Variants in ACYP2 observed in about 807,000 individuals in gnomAD.
The protein encoded by ACYP2 is acylphosphatase-2.
ACYP2 carries 12 observed loss-of-function variants against 11.2 expected under a neutral mutation model. The ratio of observed to expected loss-of-function variants is 1.08; its 90% CI spans 0.69 to 1.74. ACYP2 has a LOEUF of 1.74. Among genes scored for constraint, ACYP2 ranks in the 40% most tolerant of loss-of-function variants. ACYP2 has a pLI of 0.00. For synonymous variants in ACYP2, 43 were observed against 32.2 expected (o/e 1.33, Z -1.13); for missense variants, 134 against 101.9 (o/e 1.31, Z -1.35).
intron 6 of ACYP2, chr2:54,256,028 C>T (rs912861877): frequency 6.2e-7 from 1 of 1,614,024 alleles, no homozygotes; most frequent in African/African-American, 1.3e-5. Context: ...TCCAAGCGGC[C>T]ATCAAACATA....
At position 54,160,289 on chromosome 2, in the gene ACYP2, TG is replaced by T. The variant is rs1682653785; in HGVS notation, c.404+21544del. 1.3e-5 allele frequency among the ~76,000 whole-genome samples: 2 copies of T among 152,202 alleles called. 1 individual carries two copies. Among genetic ancestry groups the T allele is most frequent in the South Asian group, 4.1e-4 (2 of 4,830 alleles). On this transcript the variant is annotated intron_variant, in intron 6 of 6. Transcript: ENST00000607452. Reference sequence around the variant, plus strand: ...TCAAGGCTGGGGGAAGGGATGGCTCTGGGTCTTTTCCTTTTTATCTGGAAAG... The same window carrying T: ...TCAAGGCTGGGGGAAGGGATGGCTCTGGTCTTTTCCTTTTTATCTGGAAAG...
At chr2:54,160,092 A>C (rs1373660346) in intron 6 of ACYP2, among the ~76,000 whole-genome samples, 1 of 152,194 alleles carries the variant, frequency 6.6e-6, no homozygotes, top group Non-Finnish European at 1.5e-5. Context: ...AAAACTGATA[A>C]ACAAGTGGCT....
intron 6 of ACYP2, among the ~76,000 whole-genome samples, chr2:54,273,619 T>C (rs843742): frequency 0.74 from 112,722 of 151,974 alleles, 42,283 homozygotes; most frequent in Admixed American, 0.84. Context: ...TGCCCACCAC[T>C]ACGCCCATCT....
At chr2:54,289,500 A>G (rs1689213817) in intron 6 of ACYP2, among the ~76,000 whole-genome samples, 1 of 152,020 alleles carries the variant, frequency 6.6e-6, no homozygotes, top group East Asian at 1.9e-4. Flanking sequence ...AGGAAGATAC[A>G]TATTTCTTCC....
intron 4 of ACYP2, among the ~76,000 whole-genome samples, chr2:54,095,491 G>A (rs1390467425): frequency 1.3e-5 from 2 of 150,798 alleles, no homozygotes; most frequent in Non-Finnish European, 3.0e-5. Flanking sequence ...CCTCCCGGAC[G>A]GGGCGGCTGG....
chr2:54,021,957 G>A (rs988003887), intron 2 of ACYP2, among the ~76,000 whole-genome samples: 9 of 152,024 alleles, frequency 5.9e-5, no homozygotes, highest in Non-Finnish European at 1.3e-4. Context: ...CCAACCTTGA[G>A]CCAGTGAGCC....
chr2:54,295,634 A>C (rs1689492525), intron 6 of ACYP2, among the ~76,000 whole-genome samples: 1 of 152,064 alleles, frequency 6.6e-6, no homozygotes, highest in South Asian at 2.1e-4. Context: ...GTATTTCTTT[A>C]AGTTTTATTT....
intron 2 of ACYP2, among the ~76,000 whole-genome samples, chr2:53,980,485 A>G (rs11689025): frequency 0.3 from 46,006 of 152,112 alleles, 7,653 homozygotes; most frequent in South Asian, 0.49. Context: ...TGGGAGGCCA[A>G]GGCAAGAGGA....
chr2:54,081,171 G>C (rs578218617), intron 4 of ACYP2, among the ~76,000 whole-genome samples: 1 of 152,194 alleles, frequency 6.6e-6, no homozygotes, highest in African/African-American at 2.4e-5. Flanking sequence ...CCTACATGTG[G>C]ACCTCCTCAG....
intron 6 of ACYP2, among the ~76,000 whole-genome samples, chr2:54,239,363 C>G (rs1329908620): frequency 6.6e-6 from 1 of 152,194 alleles, no homozygotes; most frequent in East Asian, 1.9e-4. Context: ...GTTCTTTTAG[C>G]TAGCTTCAAA....
chr2:54,010,737 CTTTTTT>C lies in ACYP2; in HGVS notation c.62+36950_62+36955del, dbSNP rs539896151. ...CTTCGGTTTCTCTTTTTCTTTCTTT[CTTTTTT>C]TTTTTTTTTTTTTTTTTTTTTTGAG... On this transcript the variant is annotated intron_variant, in intron 2 of 6. Coordinates refer to ENST00000607452, the MANE Select transcript of ACYP2 (RefSeq NM_001320586.2). Among the ~76,000 whole-genome samples the C allele has an allele frequency of 1.0e-3, 108 of 107,644 alleles. 6 individuals are homozygous for C. Among genetic ancestry groups the C allele is most frequent in the East Asian group, 7.6e-3 (26 of 3,426 alleles). The allele number at this position is 107,644 out of a possible 152,430, so 70.6% of individuals were successfully genotyped here.
chr2:54,252,265 C>A (rs938609432), intron 6 of ACYP2, among the ~76,000 whole-genome samples: 1 of 152,128 alleles, frequency 6.6e-6, no homozygotes, highest in South Asian at 2.1e-4. Flanking sequence ...TAATAGTATA[C>A]CATTGTGTGA....
chr2:54,103,019 G>A (rs1678981509), intron 4 of ACYP2, among the ~76,000 whole-genome samples: 1 of 152,148 alleles, frequency 6.6e-6, no homozygotes, highest in Admixed American at 6.5e-5. Flanking sequence ...TGATGAGTTA[G>A]GATTGGGTTA....
chr2:54,133,596 T>A (rs1188006223), intron 4 of ACYP2, among the ~76,000 whole-genome samples: 1 of 152,222 alleles, frequency 6.6e-6, no homozygotes, highest in Non-Finnish European at 1.5e-5. Flanking sequence ...AACTCTCAAG[T>A]AGGAGCCCAG....
chr2:54,074,035 A>T (rs1035999648), intron 4 of ACYP2, among the ~76,000 whole-genome samples: 2 of 152,198 alleles, frequency 1.3e-5, no homozygotes, highest in Non-Finnish European at 2.9e-5. Context: ...TGCTAGGTAT[A>T]TACCTAAAAG....
intron 2 of ACYP2, among the ~76,000 whole-genome samples, chr2:54,049,588 G>C (rs1675722597): frequency 6.6e-6 from 1 of 152,112 alleles, no homozygotes; most frequent in Non-Finnish European, 1.5e-5. Context: ...CATGGGCATG[G>C]TTGCAAGTGT....
intron 6 of ACYP2, among the ~76,000 whole-genome samples, chr2:54,302,375 C>T (rs2104172702): frequency 6.6e-6 from 1 of 152,256 alleles, no homozygotes; most frequent in Admixed American, 6.5e-5. Context: ...CTCTCTACTT[C>T]CTGAGGGCTT....
At chr2:53,973,877 GTGTGTGTGTGTGTGTGTGTGTGTGTA>G in intron 2 of ACYP2, 1 of 118,984 alleles carries the variant, frequency 8.4e-6, no homozygotes, top group Non-Finnish European at 1.6e-5. Context: ...GTGTGTGTGT[GTGTGTGTGTGTGTGTGTGTGTGTGTA>G]TATATTTTTT....
chr2:53,972,862 G>A (rs186301572), intron 1 of ACYP2, among the ~76,000 whole-genome samples: 5 of 152,350 alleles, frequency 3.3e-5, no homozygotes, highest in Admixed American at 6.5e-5. Context: ...AACAGCTTGG[G>A]AGGCAGAATG....
Sources: gnomAD v4.1 joint callset for allele counts (sites outside exome capture counted in the v4.1 genomes callset) on GRCh38, gnomAD v4.1.1 for gene constraint, MANE v1.5 for transcripts, NCBI Gene and HGNC (gene_info 2026-07-23, HGNC 2026-07-21) for gene names.